Variants in ANKRD44 observed in about 807,000 individuals in gnomAD.
ANKRD44 encodes serine/threonine-protein phosphatase 6 regulatory ankyrin repeat subunit B.
In ANKRD44, 35 loss-of-function variants were observed where a neutral mutation model predicts 116.0. The observed-to-expected ratio is 0.30, with a 90% CI of 0.23 to 0.40. ANKRD44 has a LOEUF of 0.40. ANKRD44 is among the 10% of genes least tolerant of loss of function. The probability of loss-of-function intolerance (pLI) is 1.00; values close to 1 mark genes in which losing one functional copy is unlikely to be tolerated. For missense variants in ANKRD44, 1,014 were observed against 1,242.6 expected, an observed-to-expected ratio of 0.82 and a Z score of 2.77; for synonymous variants, 435 against 461.8, an observed-to-expected ratio of 0.94 and a Z score of 0.74.
chr2:197,042,601 C>T (rs1222039241), intron 16 of ANKRD44, among the ~76,000 whole-genome samples: 4 of 152,004 alleles, frequency 2.6e-5, no homozygotes, highest in African/African-American at 9.7e-5. Flanking sequence ...TTCCTACCCT[C>T]TCTCCCCCAA....
chr2:197,048,682 T>A (rs2077049948), intron 16 of ANKRD44, among the ~76,000 whole-genome samples: 1 of 152,236 alleles, frequency 6.6e-6, no homozygotes, highest in South Asian at 2.1e-4. Context: ...CAGCATGATT[T>A]ATAATCCTTT....
chr2:197,221,717 C>G (rs1297473728), intron 1 of ANKRD44, among the ~76,000 whole-genome samples: 1 of 152,214 alleles, frequency 6.6e-6, no homozygotes, highest in East Asian at 1.9e-4. Context: ...GGTAATGGGA[C>G]AGCATATGTT....
At chr2:197,176,270 T>C (rs1318023752) in intron 2 of ANKRD44, among the ~76,000 whole-genome samples, 4 of 152,242 alleles carry the variant, frequency 2.6e-5, no homozygotes, top group Non-Finnish European at 5.9e-5. Context: ...GTAAACTACA[T>C]GTCTACTTTA....
At chr2:197,098,756 A>T (rs2078220896) in intron 10 of ANKRD44, among the ~76,000 whole-genome samples, 1 of 152,224 alleles carries the variant, frequency 6.6e-6, no homozygotes, top group Non-Finnish European at 1.5e-5. Flanking sequence ...CTAGTAATTA[A>T]GTCACTTAAT....
At chr2:197,297,163 C>T (rs1006872723) in intron 1 of ANKRD44, among the ~76,000 whole-genome samples, 1 of 152,130 alleles carries the variant, frequency 6.6e-6, no homozygotes, top group Admixed American at 6.5e-5. Flanking sequence ...ACATAAGATT[C>T]TTTGGTCAAA....
intron 1 of ANKRD44, among the ~76,000 whole-genome samples, chr2:197,261,169 T>C (rs1234108691): frequency 6.6e-6 from 1 of 151,448 alleles, no homozygotes; most frequent in Non-Finnish European, 1.5e-5. Context: ...ATGTCCTGAA[T>C]GGTATTGCCT....
chr2:197,085,539 G>A (rs1034286805), intron 13 of ANKRD44, among the ~76,000 whole-genome samples: 16 of 152,058 alleles, frequency 1.1e-4, no homozygotes, highest in Non-Finnish European at 1.6e-4. Context: ...TAAAGAAGCC[G>A]GTCAAAACCC....
intron 21 of ANKRD44, among the ~76,000 whole-genome samples, chr2:196,972,572 T>G (rs1474266667): frequency 6.6e-6 from 1 of 152,226 alleles, no homozygotes; most frequent in Non-Finnish European, 1.5e-5. Flanking sequence ...AATATGGTGA[T>G]AGAACATATT....
chr2:196,991,100 G>GA (rs1226505839), intron 27 of ANKRD44, among the ~76,000 whole-genome samples: 1 of 152,196 alleles, frequency 6.6e-6, no homozygotes, highest in Non-Finnish European at 1.5e-5. Flanking sequence ...GGTGAGGCTA[G>GA]AGGGGGAGGG....
chr2:197,265,251 G>A (rs1297941884), intron 1 of ANKRD44, among the ~76,000 whole-genome samples: 1 of 145,596 alleles, frequency 6.9e-6, no homozygotes, highest in Non-Finnish European at 1.5e-5. Context: ...TTTTTTTGGT[G>A]GGGAGGGGGT....
At chr2:197,033,555 C>T (rs1192170009) in intron 16 of ANKRD44, among the ~76,000 whole-genome samples, 1 of 152,070 alleles carries the variant, frequency 6.6e-6, no homozygotes, top group African/African-American at 2.4e-5. Context: ...AACCCATGTT[C>T]TTTACACAGC....
intron 16 of ANKRD44, among the ~76,000 whole-genome samples, chr2:197,068,946 G>A (rs907810873): frequency 6.6e-6 from 1 of 152,168 alleles, no homozygotes; most frequent in African/African-American, 2.4e-5. Context: ...TCCCATTACT[G>A]GGTATATACC....
At chr2:197,018,019 C>T (rs1022508051) in intron 17 of ANKRD44, among the ~76,000 whole-genome samples, 4 of 152,220 alleles carry the variant, frequency 2.6e-5, no homozygotes, top group African/African-American at 9.6e-5. Flanking sequence ...TCACAAAGTG[C>T]TGTATCAATG....
At chr2:197,026,055 A>AAAAAAAC (rs1559000648) in intron 16 of ANKRD44, among the ~76,000 whole-genome samples, 2 of 151,280 alleles carry the variant, frequency 1.3e-5, no homozygotes, top group African/African-American at 2.4e-5. Flanking sequence ...AACAAAAAAA[A>AAAAAAAC]AAAAAACACC....
At chr2:197,069,120 A>G (rs1382871937) in intron 16 of ANKRD44, among the ~76,000 whole-genome samples, 1 of 152,204 alleles carries the variant, frequency 6.6e-6, no homozygotes, top group Non-Finnish European at 1.5e-5. Context: ...ATGCAGCCAT[A>G]AAAAAGGATG....
chr2:197,235,300 T>C (rs2081953676), intron 1 of ANKRD44, among the ~76,000 whole-genome samples: 1 of 152,208 alleles, frequency 6.6e-6, no homozygotes, highest in African/African-American at 2.4e-5. Context: ...TTATCTACTG[T>C]GTGCTGAGAG....
chr2:196,993,685 C>T lies in ANKRD44; in HGVS notation c.2832-11G>A, dbSNP rs778419151. On this transcript the variant is annotated splice_polypyrimidine_tract_variant and intron_variant, in intron 26 of 27. Transcript: ENST00000282272. ...GCGACGTGGAGGGGTCTAAAAAACA[C>T]AAGACCGAGCATCAGTTGTGATACA... is the stretch of plus-strand genomic sequence containing the variant. 4.5e-6 allele frequency: 7 copies of T among 1,548,990 alleles called. No homozygotes were observed. Among genetic ancestry groups the T allele is most frequent in the Non-Finnish European group, 6.1e-6 (7 of 1,145,566 alleles).
chr2:197,280,743 A>G (rs1387912345), intron 1 of ANKRD44, among the ~76,000 whole-genome samples: 1 of 152,184 alleles, frequency 6.6e-6, no homozygotes, highest in Non-Finnish European at 1.5e-5. Flanking sequence ...TAAACCAGCT[A>G]CCCACAGTGG....
chr2:197,104,906 T>G (rs1318305937), intron 9 of ANKRD44, among the ~76,000 whole-genome samples: 3 of 152,228 alleles, frequency 2.0e-5, no homozygotes, highest in African/African-American at 7.2e-5. Flanking sequence ...CTCTCAAGAC[T>G]TCTGTGTGTA....
Sources: gnomAD v4.1 joint callset for allele counts (sites outside exome capture counted in the v4.1 genomes callset) on GRCh38, gnomAD v4.1.1 for gene constraint, MANE v1.5 for transcripts, NCBI Gene and HGNC (gene_info 2026-07-23, HGNC 2026-07-21) for gene names.